Variants in DYNLRB1 observed in about 807,000 individuals in gnomAD.
DYNLRB1 encodes the protein dynein light chain roadblock-type 1.
A neutral mutation model predicts 13.5 loss-of-function variants in DYNLRB1; 6 were observed. That is an observed-to-expected ratio of 0.44 (90% confidence interval 0.24 to 0.88). The LOEUF (loss-of-function observed/expected upper bound fraction) is 0.88, where lower values mean the gene tolerates loss of function less well. Ranked by LOEUF, DYNLRB1 falls within the 40% of genes least tolerant of loss-of-function variation. The probability of loss-of-function intolerance (pLI) is 0.21; values close to 1 mark genes in which losing one functional copy is unlikely to be tolerated. For synonymous variants in DYNLRB1, 43 were observed against 45.0 expected (o/e 0.96, Z 0.18); for missense variants, 93 against 127.2 (o/e 0.73, Z 1.29).
intron 2 of DYNLRB1, among the ~76,000 whole-genome samples, chr20:34,533,102 G>A (rs527349443): frequency 2.0e-5 from 3 of 152,316 alleles, no homozygotes; most frequent in South Asian, 2.1e-4. Flanking sequence ...CATGACCTGC[G>A]GTGGCTCAGT....
At position 34,516,439 on chromosome 20, in the gene DYNLRB1, G is replaced by A. The variant is rs764870367; in HGVS notation, c.-20G>A. 3.1e-6 allele frequency: 5 copies of A among 1,613,218 alleles called. No individual in the cohort carries two copies. Among genetic ancestry groups the A allele is most frequent in the Non-Finnish European group, 2.5e-6 (3 of 1,179,548 alleles). On this transcript the variant is annotated 5_prime_UTR_variant, in exon 1 of 4. Coordinates refer to ENST00000357156, the MANE Select transcript of DYNLRB1 (RefSeq NM_014183.4). ...GACTCGCTAAGTGTTCGCTACGCGGGGCTACCGGATCGGTCGGAAATGGTG... is the reference window on the plus strand; with the variant it reads ...GACTCGCTAAGTGTTCGCTACGCGGAGCTACCGGATCGGTCGGAAATGGTG...
intron 1 of DYNLRB1, among the ~76,000 whole-genome samples, chr20:34,521,028 T>C (rs1000654097): frequency 3.3e-5 from 5 of 151,090 alleles, no homozygotes; most frequent in Non-Finnish European, 7.4e-5. Context: ...ATTTCTGTCT[T>C]TTTTTTTTGA....
chr20:34,538,752 G>A (rs1981366017), intron 3 of DYNLRB1, among the ~76,000 whole-genome samples: 4 of 152,280 alleles, frequency 2.6e-5, no homozygotes, highest in Admixed American at 6.5e-5. Flanking sequence ...GCCCATCTTC[G>A]TGGGAAGAAC....
intron 2 of DYNLRB1, among the ~76,000 whole-genome samples, chr20:34,528,880 A>G (rs1980474102): frequency 6.6e-6 from 1 of 152,094 alleles, no homozygotes; most frequent in Non-Finnish European, 1.5e-5. Flanking sequence ...ATGCTAAGAC[A>G]GGAGGATTCC....
In DYNLRB1 at chr20:34,518,770, T is replaced by C. The variant is rs752055673; in HGVS notation, c.3+2309T>C. 5.8e-4 allele frequency among the ~76,000 whole-genome samples: 88 copies of C among 152,254 alleles called. 1 individual carries two copies. The highest frequency in any genetic ancestry group is 3.4e-4 in the Non-Finnish European group (23 of 68,016). ...CACCCAGCTGTTAGTTTCTTATGCA[T>C]CTATACAAGCACTTATATGGCCCCC... On this transcript the variant is annotated intron_variant, in intron 1 of 3. Coordinates refer to ENST00000357156, the MANE Select transcript of DYNLRB1 (RefSeq NM_014183.4).
intron 3 of DYNLRB1, among the ~76,000 whole-genome samples, chr20:34,539,560 G>C (rs1981424069): frequency 6.6e-6 from 1 of 151,796 alleles, no homozygotes; most frequent in Non-Finnish European, 1.5e-5. Context: ...TTATCACCCA[G>C]GCTGGAGTGC....
chr20:34,539,984 A>T (rs1568605695), intron 3 of DYNLRB1, among the ~76,000 whole-genome samples: 1 of 151,868 alleles, frequency 6.6e-6, no homozygotes, highest in Non-Finnish European at 1.5e-5. Flanking sequence ...AGGGGAAAAA[A>T]AGAGAGAGAG....
At chr20:34,535,875 T>TG in intron 3 of DYNLRB1, 1 of 985,070 alleles carries the variant, frequency 1.0e-6, no homozygotes, top group Non-Finnish European at 1.2e-6. Flanking sequence ...AGGAAGGCAG[T>TG]GGGGGGTCTG....
rs1001471553 is a variant in DYNLRB1 at position 34,540,798 on chromosome 20, A to G, written c.*174A>G. 3.3e-6 allele frequency: 2 copies of G among 608,744 alleles called. No homozygotes were observed. The highest frequency in any genetic ancestry group is 5.6e-6 in the Non-Finnish European group (2 of 358,506). The allele number at this position is 608,744 out of a possible 1,614,324, so 37.7% of individuals were successfully genotyped here. A position where few individuals can be genotyped will look rare whatever the true frequency, so the allele number is the denominator to read the frequency against. The stretch of plus-strand genomic sequence containing the variant: ...CCCCACCAACGGAACCCCTGTGTGC[A>G]CCAACCTTCCCCAGAGCTCCGGAGC... On this transcript the variant is annotated 3_prime_UTR_variant, in exon 4 of 4. Coordinates refer to ENST00000357156, the MANE Select transcript of DYNLRB1 (RefSeq NM_014183.4).
At chr20:34,540,078 C>T (rs1981462090) in intron 3 of DYNLRB1, among the ~76,000 whole-genome samples, 1 of 152,208 alleles carries the variant, frequency 6.6e-6, no homozygotes, top group Non-Finnish European at 1.5e-5. Flanking sequence ...AACCTTAAGC[C>T]AGTGGTCCTC....
At chr20:34,525,460 G>A (rs1289484198) in intron 1 of DYNLRB1, among the ~76,000 whole-genome samples, 3 of 152,178 alleles carry the variant, frequency 2.0e-5, no homozygotes, top group Admixed American at 2.0e-4. Context: ...GGAGTCACAC[G>A]TAGGCAGACT....
intron 2 of DYNLRB1, 47 bp from the exon 3 acceptor site, chr20:34,534,581 C>T (rs1568603424): frequency 4.6e-6 from 7 of 1,519,780 alleles, no homozygotes; most frequent in Non-Finnish European, 6.2e-6. Context: ...GGGAGCTCGG[C>T]AGAAGGGGCT....
At chr20:34,516,314 C>G (rs1979158890), upstream of DYNLRB1, 1 of 1,337,778 alleles carries the variant, frequency 7.5e-7, no homozygotes, top group Non-Finnish European at 1.0e-6. Context: ...CTGGCGGAGC[C>G]AAGATCGGCT....
In DYNLRB1 at chr20:34,526,485, C is replaced by CTTTTTTTT. The variant is rs386393667; in HGVS notation, c.79+157_79+164dup. ...TTTAATTTTTAACACCTCCAGTGTTCTTTTTTTTTTTTTTTTTTTTTTCAT... is the reference window on the plus strand; with the variant it reads ...TTTAATTTTTAACACCTCCAGTGTTCTTTTTTTTTTTTTTTTTTTTTTTTTTTTTTCAT... On this transcript the variant is annotated intron_variant, in intron 2 of 3. Transcript: ENST00000357156. 42 of 238,952 alleles carry CTTTTTTTT rather than the reference C, an allele frequency of 1.8e-4. 1 individual carries two copies. Among genetic ancestry groups the CTTTTTTTT allele is most frequent in the Admixed American group, 3.1e-4 (4 of 12,884 alleles). The allele number at this position is 238,952 out of a possible 1,614,324, so 14.8% of individuals were successfully genotyped here.
chr20:34,522,009 G>A (rs1356249314), intron 1 of DYNLRB1, among the ~76,000 whole-genome samples: 8 of 152,136 alleles, frequency 5.3e-5, no homozygotes, highest in African/African-American at 1.9e-4. Flanking sequence ...TGGCACGCCT[G>A]GGTGACAGAG....
chr20:34,517,609 C>T (rs929693345), intron 1 of DYNLRB1, among the ~76,000 whole-genome samples: 3 of 149,246 alleles, frequency 2.0e-5, no homozygotes, highest in South Asian at 2.1e-4. Context: ...TATCCATCAC[C>T]TTAAACATTC....
chr20:34,524,732 G>GTT (rs755367662), intron 1 of DYNLRB1, among the ~76,000 whole-genome samples: 2 of 138,340 alleles, frequency 1.4e-5, no homozygotes, highest in African/African-American at 2.6e-5. Context: ...TTTTTTTTTT[G>GTT]TTTTTTTTTT....
upstream of DYNLRB1, among the ~76,000 whole-genome samples, chr20:34,516,068 A>AT (rs937942734): frequency 3.3e-5 from 5 of 151,900 alleles, no homozygotes; most frequent in African/African-American, 1.2e-4. Context: ...AATTTTGTTT[A>AT]TTTTTTAGTA....
At chr20:34,517,072 G>C (rs1049369814) in intron 1 of DYNLRB1, among the ~76,000 whole-genome samples, 4 of 152,072 alleles carry the variant, frequency 2.6e-5, no homozygotes, top group Non-Finnish European at 5.9e-5. Context: ...GTCTGCTCTT[G>C]GGGATCCCAA....
Sources: gnomAD v4.1 joint callset for allele counts (sites outside exome capture counted in the v4.1 genomes callset) on GRCh38, gnomAD v4.1.1 for gene constraint, MANE v1.5 for transcripts, NCBI Gene and HGNC (gene_info 2026-07-23, HGNC 2026-07-21) for gene names.